The following HNF4G variants were observed in gnomAD, a reference collection of about 807,000 sequenced individuals.
HNF4G encodes hepatocyte nuclear factor 4-gamma.
Under a neutral mutation model 50.9 loss-of-function variants are expected in HNF4G, and 21 were observed. That is an observed-to-expected ratio of 0.41 (90% CI 0.29 to 0.59). The LOEUF (loss-of-function observed/expected upper bound fraction) is 0.59. HNF4G is among the 20% of genes least tolerant of loss of function. HNF4G has a pLI of 0.26. For synonymous variants in HNF4G, 198 were observed against 185.6 expected (o/e 1.07, Z -0.54); for missense variants, 527 against 559.4 (o/e 0.94, Z 0.58).
chr8:75,500,030 T>C (rs1326098614), intron 2 of HNF4G, among the ~76,000 whole-genome samples: 1 of 152,064 alleles, frequency 6.6e-6, no homozygotes, highest in East Asian at 1.9e-4. Flanking sequence ...TAAATTAGAC[T>C]TCACCAAAAT....
At chr8:75,557,763 A>T (rs1390223647) in intron 6 of HNF4G, among the ~76,000 whole-genome samples, 1 of 152,228 alleles carries the variant, frequency 6.6e-6, no homozygotes, top group Admixed American at 6.5e-5. Context: ...CTTTGCCTGC[A>T]GTGAAAGAAT....
intron 1 of HNF4G, among the ~76,000 whole-genome samples, chr8:75,489,118 G>GCCTGCT (rs1360426999): frequency 2.6e-5 from 4 of 152,136 alleles, no homozygotes; most frequent in African/African-American, 9.7e-5. Context: ...ATTTGTTGGA[G>GCCTGCT]CCACGCATAT....
At position 75,565,755 on chromosome 8, in the gene HNF4G, T is replaced by A. The variant is rs1807445653; in HGVS notation, c.*1659T>A. 6.6e-6 allele frequency: 1 copy of A among 152,190 alleles called. No homozygotes were observed. The highest frequency in any genetic ancestry group is 1.5e-5 in the Non-Finnish European group (1 of 68,038). 9.4% of individuals were successfully genotyped at this position (152,190 alleles called of 1,614,324 possible). A position where few individuals can be genotyped will look rare whatever the true frequency, so the allele number is the denominator to read the frequency against. On this transcript the variant is annotated 3_prime_UTR_variant, in exon 10 of 10. Transcript: ENST00000396423. ...AGATTATGATGTCATATCTCCCACT[T>A]ACCTTATAAGTAAAAAGGTTAATAT... is the stretch of plus-strand genomic sequence containing the variant.
At chr8:75,462,616 T>A (rs1002243880) in intron 1 of HNF4G, among the ~76,000 whole-genome samples, 15 of 152,224 alleles carry the variant, frequency 9.9e-5, no homozygotes, top group African/African-American at 2.4e-5. Flanking sequence ...GGAAGACTGT[T>A]GTATTTTGAT....
chr8:75,430,093 G>C (rs1156261299), intron 1 of HNF4G, among the ~76,000 whole-genome samples: 1 of 151,592 alleles, frequency 6.6e-6, no homozygotes, highest in Non-Finnish European at 1.5e-5. Context: ...AGAGATTGCA[G>C]TGAGCCGAGT....
chr8:75,461,932 T>A (rs1811860884), intron 1 of HNF4G, among the ~76,000 whole-genome samples: 1 of 147,500 alleles, frequency 6.8e-6, no homozygotes, highest in South Asian at 2.1e-4. Context: ...ATATATATTT[T>A]TTTAGATGGA....
intron 1 of HNF4G, among the ~76,000 whole-genome samples, chr8:75,439,308 A>G (rs1381631065): frequency 6.6e-6 from 1 of 151,996 alleles, no homozygotes; most frequent in African/African-American, 2.4e-5. Flanking sequence ...TCCATCCATA[A>G]CCTATTTTAA....
chr8:75,559,102 T>A, intron 8 of HNF4G, 65 bp downstream of exon 8: 1 of 1,069,796 alleles, frequency 9.3e-7, no homozygotes, highest in Non-Finnish European at 1.4e-6. Context: ...TTTGACCTAC[T>A]GATTTTTTTG....
At chr8:75,430,395 C>A (rs1297819757) in intron 1 of HNF4G, among the ~76,000 whole-genome samples, 2 of 151,248 alleles carry the variant, frequency 1.3e-5, no homozygotes, top group African/African-American at 4.9e-5. Context: ...ACTACAAATA[C>A]CTCTGCATGA....
At chr8:75,560,551 C>A (rs571651323) in intron 9 of HNF4G, 85 bp downstream of exon 9, 2 of 1,340,734 alleles carry the variant, frequency 1.5e-6, no homozygotes, top group African/African-American at 1.5e-5. Flanking sequence ...CTATTAGTAA[C>A]CAGAAATGGC....
At chr8:75,544,235 T>G (rs898273923) in intron 2 of HNF4G, among the ~76,000 whole-genome samples, 2 of 152,172 alleles carry the variant, frequency 1.3e-5, no homozygotes, top group African/African-American at 4.8e-5. Context: ...TAGACCAATA[T>G]AGTTGAAGCC....
chr8:75,459,471 A>G (rs1294230733), intron 1 of HNF4G, among the ~76,000 whole-genome samples: 1 of 152,198 alleles, frequency 6.6e-6, no homozygotes, highest in Non-Finnish European at 1.5e-5. Context: ...AGAATGTAAA[A>G]AATAGTTCAT....
At chr8:75,449,450 A>G (rs1160417443) in intron 1 of HNF4G, among the ~76,000 whole-genome samples, 1 of 151,874 alleles carries the variant, frequency 6.6e-6, no homozygotes, top group Non-Finnish European at 1.5e-5. Flanking sequence ...ACACTGTAGA[A>G]TGACTAGGTC....
chr8:75,538,261 C>T (rs1403350379), upstream of HNF4G, among the ~76,000 whole-genome samples: 1 of 152,188 alleles, frequency 6.6e-6, no homozygotes, highest in Non-Finnish European at 1.5e-5. Context: ...TTAGATCCAT[C>T]TGTAGCCCCT....
chr8:75,427,915 C>G (rs1470283109), intron 1 of HNF4G, among the ~76,000 whole-genome samples: 2 of 152,050 alleles, frequency 1.3e-5, no homozygotes, highest in East Asian at 1.9e-4. Flanking sequence ...CAGGGTGCAT[C>G]CTTCACAAAG....
intron 1 of HNF4G, among the ~76,000 whole-genome samples, chr8:75,438,629 CCTTG>C (rs1471273338): frequency 2.0e-5 from 3 of 151,666 alleles, no homozygotes; most frequent in African/African-American, 4.8e-5. Flanking sequence ...ATGCATTTTA[CCTTG>C]CTTGCTTTCT....
chr8:75,504,230 G>GACACACACACACACACACAC, intron 2 of HNF4G, among the ~76,000 whole-genome samples: 1 of 108,304 alleles, frequency 9.2e-6, no homozygotes, highest in East Asian at 2.4e-4. Context: ...AAAGCACACA[G>GACACACACACACACACACAC]ACACACACAC....
chr8:75,411,087 G>C (rs1810489510), intron 1 of HNF4G, among the ~76,000 whole-genome samples: 1 of 152,184 alleles, frequency 6.6e-6, no homozygotes, highest in Admixed American at 6.5e-5. Flanking sequence ...GTGAACCAGA[G>C]AGAAATGAAA....
At chr8:75,452,823 TTAGA>T (rs1289002143) in intron 1 of HNF4G, among the ~76,000 whole-genome samples, 1 of 152,238 alleles carries the variant, frequency 6.6e-6, no homozygotes, top group Non-Finnish European at 1.5e-5. Flanking sequence ...CTCTTCACTA[TTAGA>T]TAATCAAAAT....
Sources: allele counts gnomAD v4.1 joint callset (sites outside exome capture counted in the v4.1 genomes callset), GRCh38; gene constraint gnomAD v4.1.1; transcripts MANE v1.5; gene names NCBI Gene and HGNC (gene_info 2026-07-23, HGNC 2026-07-21).